EPHB1: variants seen among roughly 807,000 people sequenced by gnomAD.
EPHB1 encodes the protein EPH receptor B1.
Under a neutral mutation model 94.4 loss-of-function variants are expected in EPHB1, and 30 were observed. The ratio of observed to expected loss-of-function variants is 0.32; its 90% CI spans 0.24 to 0.43. The LOEUF (loss-of-function observed/expected upper bound fraction) is 0.43. Ranked by LOEUF, EPHB1 falls within the 20% of genes least tolerant of loss-of-function variation. The probability of loss-of-function intolerance (pLI) is 1.00; values close to 1 mark genes in which losing one functional copy is unlikely to be tolerated. For missense variants in EPHB1, 1,055 were observed against 1,308.3 expected (o/e 0.81, Z 2.99); for synonymous variants, 522 against 489.1 (o/e 1.07, Z -0.89).
chr3:135,012,770 C>A (rs1279717187), intron 3 of EPHB1, among the ~76,000 whole-genome samples: 1 of 152,186 alleles, frequency 6.6e-6, no homozygotes, highest in Non-Finnish European at 1.5e-5. Flanking sequence ...CAAGCCAACT[C>A]CCTCAGAGGG....
chr3:135,110,065 G>A (rs1272869468), intron 4 of EPHB1, among the ~76,000 whole-genome samples: 2 of 152,208 alleles, frequency 1.3e-5, no homozygotes, highest in African/African-American at 4.8e-5. Flanking sequence ...GAAATGGAAA[G>A]GAGGAATTTA....
rs113161885 is a variant in EPHB1 at position 135,259,539 on chromosome 3, C to T, written c.*419C>T. 3,542 of 201,976 alleles carry T rather than the reference C, an allele frequency of 0.018. 134 individuals are homozygous for T. Among genetic ancestry groups the T allele is most frequent in the African/African-American group, 0.074 (3,206 of 43,514 alleles). 12.5% of individuals were successfully genotyped at this position (201,976 alleles called of 1,614,324 possible). ...ATGACATTCTTTTCTTTTCTCCTTT[C>T]GTACTCCTCCCTGAGAGTCCCCTCC... On this transcript the variant is annotated 3_prime_UTR_variant, in exon 16 of 16. Transcript: ENST00000398015.
rs377240945 is a variant in EPHB1 at position 134,795,553 on chromosome 3, G to C, written c.-79G>C. 3,573 of 1,399,790 alleles carry C rather than the reference G, an allele frequency of 2.6e-3. 114 individuals are homozygous for C. The Admixed American group carries it at 0.052, about 20-fold the overall frequency. The allele number at this position is 1,399,790 out of a possible 1,614,324, so 86.7% of individuals were successfully genotyped here. On this transcript the variant is annotated 5_prime_UTR_variant, in exon 1 of 16. Transcript: ENST00000398015. ...TACCGAGAAGCCACCCGCGGAGAGC[G>C]CAGCGGCGCCCTGGGACGCGGCGCT...
intron 13 of EPHB1, among the ~76,000 whole-genome samples, chr3:135,247,226 G>A (rs138518293): frequency 1.3e-4 from 20 of 152,270 alleles, no homozygotes; most frequent in African/African-American, 4.8e-4. Flanking sequence ...TTAACACCAT[G>A]CTGTATATCC....
At chr3:135,143,803 C>T (rs1332422430) in intron 5 of EPHB1, among the ~76,000 whole-genome samples, 1 of 152,204 alleles carries the variant, frequency 6.6e-6, no homozygotes, top group Non-Finnish European at 1.5e-5. Flanking sequence ...GTTGCAGGGT[C>T]ACAGAATGCA....
chr3:135,001,752 T>C (rs1935189385), intron 3 of EPHB1, among the ~76,000 whole-genome samples: 1 of 152,266 alleles, frequency 6.6e-6, no homozygotes, highest in South Asian at 2.1e-4. Flanking sequence ...TCCTCCTCCT[T>C]CTTTCCTCAT....
At chr3:134,931,741 A>G (rs1252529223) in intron 2 of EPHB1, among the ~76,000 whole-genome samples, 1 of 152,198 alleles carries the variant, frequency 6.6e-6, no homozygotes, top group East Asian at 1.9e-4. Context: ...CTTTAGAAAT[A>G]TAAGTATGTG....
intron 1 of EPHB1, among the ~76,000 whole-genome samples, chr3:134,896,003 A>G (rs1451110258): frequency 3.3e-5 from 5 of 152,330 alleles, no homozygotes; most frequent in African/African-American, 9.6e-5. Context: ...GCAAGGAACT[A>G]GAATATTTCC....
intron 1 of EPHB1, among the ~76,000 whole-genome samples, chr3:134,849,079 G>A (rs1229813937): frequency 6.6e-6 from 1 of 152,240 alleles, no homozygotes; most frequent in Non-Finnish European, 1.5e-5. Flanking sequence ...GAGGTTTAGG[G>A]CAGTGGTTCT....
At chr3:135,181,186 G>A (rs1368599373) in intron 10 of EPHB1, among the ~76,000 whole-genome samples, 3 of 152,264 alleles carry the variant, frequency 2.0e-5, no homozygotes, top group East Asian at 3.9e-4. Context: ...TCCTGCTCTG[G>A]TTTCCCTCTT....
chr3:135,011,350 T>G (rs1487853080), intron 3 of EPHB1, among the ~76,000 whole-genome samples: 1 of 152,272 alleles, frequency 6.6e-6, no homozygotes, highest in Non-Finnish European at 1.5e-5. Context: ...TTCACCAGGA[T>G]GCATCTTGAT....
At chr3:134,869,522 G>A (rs1318715112) in intron 1 of EPHB1, among the ~76,000 whole-genome samples, 1 of 152,144 alleles carries the variant, frequency 6.6e-6, no homozygotes, top group African/African-American at 2.4e-5. Flanking sequence ...TGAACCACTC[G>A]CTGAGGTCAA....
At chr3:134,936,576 C>G (rs936177001) in intron 2 of EPHB1, among the ~76,000 whole-genome samples, 9 of 152,270 alleles carry the variant, frequency 5.9e-5, no homozygotes, top group South Asian at 2.1e-4. Context: ...AACGCGCCCC[C>G]CCCTCCATTT....
chr3:135,032,930 G>C (rs1445887933), intron 3 of EPHB1, among the ~76,000 whole-genome samples: 1 of 152,150 alleles, frequency 6.6e-6, no homozygotes, highest in East Asian at 1.9e-4. Flanking sequence ...CAGACCTCTT[G>C]TATGCTGAGT....
intron 5 of EPHB1, among the ~76,000 whole-genome samples, chr3:135,152,361 A>C (rs1043991955): frequency 1.3e-5 from 2 of 152,202 alleles, no homozygotes; most frequent in African/African-American, 4.8e-5. Context: ...CAGCTCCTGG[A>C]GGCAAGAAGT....
intron 3 of EPHB1, among the ~76,000 whole-genome samples, chr3:135,038,302 C>G (rs1170035332): frequency 6.6e-6 from 1 of 152,234 alleles, no homozygotes; most frequent in Non-Finnish European, 1.5e-5. Context: ...ATTATTTTGA[C>G]TAATGGACTG....
chr3:135,149,936 G>A (rs191782064), intron 5 of EPHB1, among the ~76,000 whole-genome samples: 102 of 152,294 alleles, frequency 6.7e-4, no homozygotes, highest in Admixed American at 8.5e-4. Flanking sequence ...ACTGTCAGTT[G>A]CCTCTGGATC....
chr3:134,795,371 C>G lies in EPHB1; in HGVS notation c.-261C>G, dbSNP rs1006171016. 9.7e-6 allele frequency: 5 copies of G among 514,050 alleles called. No homozygotes were observed. The highest frequency in any genetic ancestry group is 6.1e-5 in the African/African-American group (3 of 49,032). The allele number at this position is 514,050 out of a possible 1,614,324, so 31.8% of individuals were successfully genotyped here. A position where few individuals can be genotyped will look rare whatever the true frequency, so the allele number is the denominator to read the frequency against. On this transcript the variant is annotated 5_prime_UTR_variant, in exon 1 of 16. Coordinates refer to ENST00000398015, the MANE Select transcript of EPHB1 (RefSeq NM_004441.5). The stretch of plus-strand genomic sequence containing the variant: ...GCTCGTTCTCCCTCGCCCTCTCTCT[C>G]TCACACACGCACGCACACACCCACC...
intron 1 of EPHB1, among the ~76,000 whole-genome samples, chr3:134,800,027 G>T (rs567955653): frequency 6.6e-6 from 1 of 152,192 alleles, no homozygotes; most frequent in Admixed American, 6.5e-5. Flanking sequence ...GGCAATGAAA[G>T]GAATATATGG....
Sources: allele counts gnomAD v4.1 joint callset (sites outside exome capture counted in the v4.1 genomes callset), GRCh38; gene constraint gnomAD v4.1.1; transcripts MANE v1.5; gene names NCBI Gene and HGNC (gene_info 2026-07-23, HGNC 2026-07-21).